NME3: variants seen among roughly 807,000 people sequenced by gnomAD.
NME3 encodes NME/NM23 nucleoside diphosphate kinase 3.
Under a neutral mutation model 15.8 loss-of-function variants are expected in NME3, and 23 were observed. That is an observed-to-expected ratio of 1.45 (90% confidence interval 1.05 to 2.06). NME3 has a LOEUF of 2.06. Among genes scored for constraint, NME3 ranks in the 30% most tolerant of loss-of-function variants. The pLI, the probability that NME3 is intolerant of heterozygous loss-of-function variation, is 0.00. For missense variants in NME3, 354 were observed against 243.2 expected (o/e 1.46, Z -3.03); for synonymous variants, 157 against 104.4 (o/e 1.50, Z -3.07).
In NME3 at chr16:1,770,897, A is replaced by G; in HGVS notation, c.376T>C (p.Cys126Arg). The change falls in exon 4 of 5, where the codon TGC becomes CGC. Residue 126 changes from cysteine (C) to arginine (R), a missense_variant. Cys to Arg is a radical substitution (Grantham distance 180, BLOSUM62 -3). Coordinates refer to ENST00000219302, the MANE Select transcript of NME3 (RefSeq NM_002513.3). Reference sequence around the variant, plus strand: ...GGGCCTTACTTGCCAACCTCGATGCAGAAATCCCCGCGGATGGTGCCGGGC... The same window carrying G: ...GGGCCTTACTTGCCAACCTCGATGCGGAAATCCCCGCGGATGGTGCCGGGC... ...APPGTIRGDF[C>R]IEVGKNLIHG... 1.3e-6 allele frequency: 2 copies of G among 1,581,908 alleles called. No homozygotes were observed. Among genetic ancestry groups the G allele is most frequent in the East Asian group, 2.3e-5 (1 of 44,318 alleles).
rs2042570548 is a variant in NME3, at chr16:1,770,768, T to TGCGCGGAAGAG, written c.393-13_393-3dup. On this transcript the variant is annotated splice_region_variant and splice_polypyrimidine_tract_variant and intron_variant, in intron 4 of 4. Coordinates refer to ENST00000219302, the MANE Select transcript of NME3 (RefSeq NM_002513.3). ...GAGTCGCTGCCGTGAATCAGGTTCC[T>TGCGCGGAAGAG]GCGCGGAAGAGGCGCGTGTGAGCGT... 1 of 1,602,176 alleles carries TGCGCGGAAGAG rather than the reference T, an allele frequency of 6.2e-7. No homozygotes were observed. Among genetic ancestry groups the TGCGCGGAAGAG allele is most frequent in the Admixed American group, 1.7e-5 (1 of 59,160 alleles).
Position 1,771,354 on chromosome 16 carries a change from G to A in NME3, c.103C>T (p.Arg35Trp), listed in dbSNP as rs376657007. Reference sequence around the variant, plus strand: ...CGCACAATCTCGCCCACCAGCCGCCGCTGCACGCCGTCCGGCTTCACGGCC... The same window carrying A: ...CGCACAATCTCGCCCACCAGCCGCCACTGCACGCCGTCCGGCTTCACGGCC... ...FLAVKPDGVQRRLVGEIVRRF... is the reference protein window; with the variant it reads ...FLAVKPDGVQWRLVGEIVRRF... The change falls in exon 2 of 5, where the codon CGG (arginine) becomes TGG (tryptophan). Residue 35 changes from arginine to tryptophan, a missense_variant. Transcript: ENST00000219302. The A allele has an allele frequency of 7.6e-6, 12 of 1,589,104 alleles. No individual in the cohort carries two copies. Among genetic ancestry groups the A allele is most frequent in the East Asian group, 2.3e-5 (1 of 43,506 alleles).
In NME3 at chr16:1,770,392, T is replaced by G; in HGVS notation, c.*257A>C. 1 of 409,662 alleles carries G rather than the reference T, an allele frequency of 2.4e-6. No homozygotes were observed. The highest frequency in any genetic ancestry group is 4.3e-6 in the Non-Finnish European group (1 of 231,282). The allele number at this position is 409,662 out of a possible 1,614,324, so 25.4% of individuals were successfully genotyped here. A position where few individuals can be genotyped will look rare whatever the true frequency, so the allele number is the denominator to read the frequency against. ...AAAAAAACGTTGGACCACGTTGGGC[T>G]GGGCACCAGGACAGTGTCCTGGCAC... is the stretch of plus-strand genomic sequence containing the variant. On this transcript the variant is annotated 3_prime_UTR_variant, in exon 5 of 5. Coordinates refer to ENST00000219302, the MANE Select transcript of NME3 (RefSeq NM_002513.3).
chr16:1,770,323 C>T lies in NME3; in HGVS notation c.*326G>A, dbSNP rs2042546252. 4 of 308,166 alleles carry T rather than the reference C, an allele frequency of 1.3e-5. No individual in the cohort carries two copies. Among genetic ancestry groups the T allele is most frequent in the African/African-American group, 4.3e-5 (2 of 46,502 alleles). The allele number at this position is 308,166 out of a possible 1,614,324, so 19.1% of individuals were successfully genotyped here. On this transcript the variant is annotated 3_prime_UTR_variant, in exon 5 of 5. Transcript: ENST00000219302. The stretch of plus-strand genomic sequence containing the variant: ...ATAAATGTCTTAACGTCGTAGCTGC[C>T]TGTTCCTGGGCCCAAATCGAAACGA...
At chr16:1,771,241 C>T (rs1052245591) in intron 2 of NME3, 39 bp downstream of exon 2, 2 of 1,567,676 alleles carry the variant, frequency 1.3e-6, no homozygotes, top group African/African-American at 1.4e-5. Context: ...GCTCCCCTTC[C>T]CCCCACACCG....
Position 1,771,084 on chromosome 16 carries a change from G to A in NME3, c.265C>T (p.Pro89Ser). Residue 89 changes from proline (P) to serine (S), a missense_variant, in exon 3 of 5, where the codon CCG becomes TCG. Pro to Ser is a moderately conservative substitution (Grantham distance 74). Coordinates refer to ENST00000219302, the MANE Select transcript of NME3 (RefSeq NM_002513.3). Reference sequence around the variant, plus strand: ...CGGATACTCACCATGGCCACCACCGGCCCGGAGGCCATATACTTGACAAGG... The same window carrying A: ...CGGATACTCACCATGGCCACCACCGACCCGGAGGCCATATACTTGACAAGG... The part of the protein sequence containing the change: ...GRLVKYMASG[P>S]VVAMVWQGLD... 1 of 1,608,684 alleles carries A rather than the reference G, an allele frequency of 6.2e-7. No homozygotes were observed. The highest frequency in any genetic ancestry group is 2.2e-5 in the East Asian group (1 of 44,750).
Position 1,770,781 on chromosome 16 carries a change from C to A in NME3, c.393-15G>T. 6.3e-7 allele frequency: 1 copy of A among 1,596,270 alleles called. No homozygotes were observed. The highest frequency in any genetic ancestry group is 8.5e-7 in the Non-Finnish European group (1 of 1,170,872). On this transcript the variant is annotated splice_polypyrimidine_tract_variant and intron_variant, in intron 4 of 4. Coordinates refer to ENST00000219302, the MANE Select transcript of NME3 (RefSeq NM_002513.3). Reference sequence around the variant, plus strand: ...GAATCAGGTTCCTGCGCGGAAGAGGCGCGTGTGAGCGTGGGAAAGAGACCT... The same window carrying A: ...GAATCAGGTTCCTGCGCGGAAGAGGAGCGTGTGAGCGTGGGAAAGAGACCT...
In NME3 at chr16:1,771,154, C is replaced by T; in HGVS notation, c.195G>A (p.Leu65=). 3 of 1,605,294 alleles carry T rather than the reference C, an allele frequency of 1.9e-6. No individual in the cohort carries two copies. The highest frequency in any genetic ancestry group is 2.2e-5 in the South Asian group (2 of 90,576). ...CACGCAGCTCGGCGTAGTGCTCACG[C>T]AGCAGCTCCTCGGAGGCCTGCGGAA... ...LKLVQASEEL[L]REHYAELRER... is the part of the protein sequence containing the mutation. Residue 65 remains leucine (L), a synonymous_variant, in exon 3 of 5, where the codon CTG becomes CTA. Coordinates refer to ENST00000219302, the MANE Select transcript of NME3 (RefSeq NM_002513.3).
chr16:1,771,537 T>G lies in NME3; in HGVS notation c.-3A>C, dbSNP rs1489691915. 1.7e-6 allele frequency: 2 copies of G among 1,146,278 alleles called. No homozygotes were observed. The highest frequency in any genetic ancestry group is 2.2e-6 in the Non-Finnish European group (2 of 891,846). 71.0% of individuals were successfully genotyped at this position (1,146,278 alleles called of 1,614,324 possible). A position where few individuals can be genotyped will look rare whatever the true frequency, so the allele number is the denominator to read the frequency against. ...ATGGTCAGCACCAGGCAGATCATGA[T>G]GGCGGTGCGGGAGCGGGATCCGCGG... On this transcript the variant is annotated 5_prime_UTR_variant, in exon 1 of 5. Coordinates refer to ENST00000219302, the MANE Select transcript of NME3 (RefSeq NM_002513.3).
At position 1,770,874 on chromosome 16, in the gene NME3, G is replaced by A. The variant is rs775882230; in HGVS notation, c.392+7C>T. 6 of 1,568,766 alleles carry A rather than the reference G, an allele frequency of 3.8e-6. No homozygotes were observed. The highest frequency in any genetic ancestry group is 2.3e-5 in the East Asian group (1 of 44,206). On this transcript the variant is annotated splice_region_variant and intron_variant, in intron 4 of 4. Transcript: ENST00000219302. ...GGGGCTGGGACCGTCCCCGGGGCGG[G>A]CCTTACTTGCCAACCTCGATGCAGA...
In NME3 at chr16:1,770,489, G is replaced by A. The variant is rs932095598; in HGVS notation, c.*160C>T. 7.3e-6 allele frequency: 4 copies of A among 550,210 alleles called. No individual in the cohort carries two copies. The highest frequency in any genetic ancestry group is 7.4e-5 in the Admixed American group (2 of 27,126). The allele number at this position is 550,210 out of a possible 1,614,324, so 34.1% of individuals were successfully genotyped here. ...GAAACCCTGTACGCCAGGGATTGGA[G>A]AGGCCTGCGCCACCCTCCATGCAAC... On this transcript the variant is annotated 3_prime_UTR_variant, in exon 5 of 5. Transcript: ENST00000219302.
At chr16:1,770,798 AAG>A in intron 4 of NME3, 32 bp from the exon 5 acceptor site, 1 of 1,591,696 alleles carries the variant, frequency 6.3e-7, no homozygotes, top group Non-Finnish European at 8.6e-7. Flanking sequence ...GAGCGTGGGA[AAG>A]AGACCTCCGG....
intron 1 of NME3, 35 bp downstream of exon 1, chr16:1,771,454 G>T (rs1259571164): frequency 5.1e-6 from 7 of 1,378,344 alleles, no homozygotes; most frequent in Non-Finnish European, 6.5e-6. Context: ...GCCCAGCACC[G>T]GCCACCCGCC....
chr16:1,771,169 G>GGCCTGCGGAAGGGTCAGGCC lies in NME3; in HGVS notation c.178-18_179dup (p.Ser61AlafsTer2), dbSNP rs1567223267. On this transcript the variant is annotated stop_gained and frameshift_variant and splice_region_variant, in exon 3 of 5. Transcript: ENST00000219302. LOFTEE classifies it high-confidence loss of function. ...AGTGCTCACGCAGCAGCTCCTCGGA[G>GGCCTGCGGAAGGGTCAGGCC]GCCTGCGGAAGGGTCAGGCCGCCTG... The GGCCTGCGGAAGGGTCAGGCC allele has an allele frequency of 5.0e-6, 8 of 1,600,726 alleles. No individual in the cohort carries two copies. In the South Asian group the frequency reaches 5.5e-5, roughly 11 times the overall value.
Position 1,771,092 on chromosome 16 carries a change from G to A in NME3, c.257C>T (p.Ala86Val), listed in dbSNP as rs762508512. 44 of 1,610,058 alleles carry A rather than the reference G, an allele frequency of 2.7e-5. No individual in the cohort carries two copies. Among genetic ancestry groups the A allele is most frequent in the Middle Eastern group, 3.3e-4 (2 of 6,054 alleles). ...PFYGRLVKYM[A>V]SGPVVAMVWQ... ...CACCATGGCCACCACCGGCCCGGAG[G>A]CCATATACTTGACAAGGCGGCCGTA... The change falls in exon 3 of 5, where the codon GCC becomes GTC. Residue 86 changes from alanine (A) to valine (V), a missense_variant. Ala to Val is a moderately conservative substitution (Grantham distance 64, BLOSUM62 0). Transcript: ENST00000219302.
At position 1,771,523 on chromosome 16, in the gene NME3, C is replaced by G; in HGVS notation, c.12G>C (p.Leu4=). Reference sequence around the variant, plus strand: ...AGAGGTTAGCGAAGATGGTCAGCACCAGGCAGATCATGATGGCGGTGCGGG... The same window carrying G: ...AGAGGTTAGCGAAGATGGTCAGCACGAGGCAGATCATGATGGCGGTGCGGG... MIC[L]VLTIFANLFP... The change falls in exon 1 of 5, where the codon CTG becomes CTC. Residue 4 remains leucine (L), a synonymous_variant. Coordinates refer to ENST00000219302, the MANE Select transcript of NME3 (RefSeq NM_002513.3). 1 of 1,215,650 alleles carries G rather than the reference C, an allele frequency of 8.2e-7. No individual in the cohort carries two copies. The highest frequency in any genetic ancestry group is 1.1e-6 in the Non-Finnish European group (1 of 950,460). 75.3% of individuals were successfully genotyped at this position (1,215,650 alleles called of 1,614,324 possible).
rs1448709735 is a variant in NME3, at chr16:1,770,925, G to A, written c.348C>T (p.Ala116=). ...AATCCCCGCGGATGGTGCCGGGCGGGGCGTCGGCCGGGTTCGTGGCTCCGA... is the reference window on the plus strand; with the variant it reads ...AATCCCCGCGGATGGTGCCGGGCGGAGCGTCGGCCGGGTTCGTGGCTCCGA... The part of the protein sequence containing the change: ...ALIGATNPAD[A]PPGTIRGDFC... Residue 116 remains alanine, a synonymous_variant, in exon 4 of 5, where the codon GCC becomes GCT. Transcript: ENST00000219302. The A allele has an allele frequency of 1.3e-6, 2 of 1,587,980 alleles. No individual in the cohort carries two copies. Among genetic ancestry groups the A allele is most frequent in the Non-Finnish European group, 8.6e-7 (1 of 1,163,602 alleles).
chr16:1,771,538 G>T lies in NME3; in HGVS notation c.-4C>A. ...TGGTCAGCACCAGGCAGATCATGAT[G>T]GCGGTGCGGGAGCGGGATCCGCGGG... On this transcript the variant is annotated 5_prime_UTR_variant, in exon 1 of 5. Transcript: ENST00000219302. 1 of 1,135,868 alleles carries T rather than the reference G, an allele frequency of 8.8e-7. No individual in the cohort carries two copies. The highest frequency in any genetic ancestry group is 1.1e-6 in the Non-Finnish European group (1 of 882,230). The allele number at this position is 1,135,868 out of a possible 1,614,324, so 70.4% of individuals were successfully genotyped here.
In NME3 at chr16:1,770,941, G is replaced by C; in HGVS notation, c.332C>G (p.Thr111Arg). Residue 111 changes from threonine (T) to arginine (R), a missense_variant, in exon 4 of 5, where the codon ACG becomes AGG. Physicochemically the swap from Thr to Arg is moderately conservative, Grantham distance 71 (BLOSUM62 -1). Transcript: ENST00000219302. ...VRTSRALIGA[T>R]NPADAPPGTI... is the part of the protein sequence containing the mutation. ...GCCGGGCGGGGCGTCGGCCGGGTTC[G>C]TGGCTCCGATGAGCGCCCGCGAGGT... is the stretch of plus-strand genomic sequence containing the variant. 2 of 1,587,590 alleles carry C rather than the reference G, an allele frequency of 1.3e-6. No homozygotes were observed. The highest frequency in any genetic ancestry group is 1.7e-6 in the Non-Finnish European group (2 of 1,162,946).
Sources: allele counts gnomAD v4.1 joint callset, GRCh38; gene constraint gnomAD v4.1.1; transcripts MANE v1.5; gene names NCBI Gene and HGNC (gene_info 2026-07-23, HGNC 2026-07-21).